Variants in ATRX observed in about 807,000 individuals in gnomAD.
ATRX encodes the protein ATRX chromatin remodeler.
In ATRX, 12 loss-of-function variants were observed where a neutral mutation model predicts 172.6. The ratio of observed to expected loss-of-function variants is 0.07; its 90% CI spans 0.04 to 0.11. The LOEUF (loss-of-function observed/expected upper bound fraction) is 0.11. Ranked by LOEUF, ATRX falls within the 10% of genes least tolerant of loss-of-function variation. ATRX has a pLI of 1.00. For missense variants in ATRX, 1,368 were observed against 1,767.4 expected, an observed-to-expected ratio of 0.77 and a Z score of 4.05; for synonymous variants, 674 against 594.7, an observed-to-expected ratio of 1.13 and a Z score of -1.94.
chrX:77,703,589 G>A (rs1434663362), intron 2 of ATRX, among the ~76,000 whole-genome samples: 2 of 112,380 alleles, frequency 1.8e-5, no homozygotes, highest in African/African-American at 3.2e-5. Flanking sequence ...GAGCTCCCAG[G>A]TCTGGGCTCC....
At chrX:77,691,627 C>T (rs1387474972) in intron 6 of ATRX, among the ~76,000 whole-genome samples, 2 of 111,185 alleles carry the variant, frequency 1.8e-5, no homozygotes, top group Non-Finnish European at 1.9e-5. Flanking sequence ...TAATATTATT[C>T]CAAATCAATA....
intron 10 of ATRX, among the ~76,000 whole-genome samples, chrX:77,671,285 G>C: frequency 1.0e-5 from 1 of 98,953 alleles, no homozygotes; most frequent in Non-Finnish European, 2.0e-5. Flanking sequence ...CTAAACAATG[G>C]TTTGAAATAT....
At chrX:77,736,279 A>G (rs1477514350) in intron 1 of ATRX, among the ~76,000 whole-genome samples, 2 of 111,651 alleles carry the variant, frequency 1.8e-5, no homozygotes, top group Non-Finnish European at 3.8e-5. Context: ...TGAACAAACA[A>G]CCCAAAGAAT....
At chrX:77,596,259 C>A (rs1557083815) in intron 25 of ATRX, 1 of 111,183 alleles carries the variant, frequency 9.0e-6, no homozygotes, top group Admixed American at 9.6e-5. Context: ...GATTATGAGA[C>A]CGATGTGCTG....
chrX:77,752,471 T>C (rs782747321), intron 1 of ATRX, among the ~76,000 whole-genome samples: 23 of 111,653 alleles, frequency 2.1e-4, no homozygotes, highest in Non-Finnish European at 3.2e-4. Flanking sequence ...CCTTTATTTC[T>C]TTCTCTTGCC....
intron 30 of ATRX, among the ~76,000 whole-genome samples, chrX:77,530,325 G>T (rs181525712): frequency 8.9e-5 from 10 of 111,897 alleles, no homozygotes; most frequent in African/African-American, 3.2e-4. Context: ...AAGCTAGAAA[G>T]ACTGGGCACA....
intron 22 of ATRX, among the ~76,000 whole-genome samples, chrX:77,603,139 A>C (rs2066744719): frequency 9.0e-6 from 1 of 111,375 alleles, no homozygotes; most frequent in Non-Finnish European, 1.9e-5. Flanking sequence ...AATCTACAGG[A>C]AATAAATTCC....
At chrX:77,725,071 C>T (rs1272057323) in intron 1 of ATRX, among the ~76,000 whole-genome samples, 1 of 111,988 alleles carries the variant, frequency 8.9e-6, no homozygotes, top group African/African-American at 3.2e-5. Flanking sequence ...AAACTTGAAG[C>T]TGACTCAACC....
intron 15 of ATRX, among the ~76,000 whole-genome samples, chrX:77,637,116 C>T (rs1427119237): frequency 9.0e-6 from 1 of 111,062 alleles, no homozygotes; most frequent in African/African-American, 3.3e-5. Flanking sequence ...AAGAACTGTG[C>T]GACTCAGGAT....
Position 77,669,980 on chromosome X carries a change from G to A in ATRX, c.3810-5202C>T, listed in dbSNP as rs1414845053. Among the ~76,000 whole-genome samples the A allele has an allele frequency of 8.1e-5, 9 of 111,713 alleles. No homozygotes were observed. In the East Asian group the frequency reaches 8.4e-4, roughly 10 times the overall value. On this transcript the variant is annotated intron_variant, in intron 10 of 34. Transcript: ENST00000373344. ...CCCAAAGCATTGGGATTGCAAGTGT[G>A]AGCCACTGCAACCAGCTTGAGTTTT...
intron 22 of ATRX, among the ~76,000 whole-genome samples, chrX:77,610,087 C>T (rs2067091666): frequency 9.0e-6 from 1 of 111,683 alleles, no homozygotes; most frequent in Admixed American, 9.5e-5. Flanking sequence ...ATTAAAATAT[C>T]TCATGTACCC....
intron 1 of ATRX, among the ~76,000 whole-genome samples, chrX:77,750,745 G>C (rs2075270772): frequency 9.2e-6 from 1 of 108,127 alleles, no homozygotes; most frequent in South Asian, 4.0e-4. Context: ...TGTTCTCACT[G>C]TTCGACTCCC....
At chrX:77,539,227 A>C (rs1472100739) in intron 30 of ATRX, among the ~76,000 whole-genome samples, 1 of 111,175 alleles carries the variant, frequency 9.0e-6, no homozygotes, top group Non-Finnish European at 1.9e-5. Flanking sequence ...ATCCTTTACT[A>C]CAAAGGAATA....
At chrX:77,667,604 C>T (rs868925437) in intron 10 of ATRX, among the ~76,000 whole-genome samples, 70 of 111,263 alleles carry the variant, frequency 6.3e-4, no homozygotes, top group African/African-American at 2.1e-3. Context: ...TTTCTTCTTT[C>T]AAATCCCAGT....
At chrX:77,732,106 C>A (rs1229441849) in intron 1 of ATRX, among the ~76,000 whole-genome samples, 1 of 111,784 alleles carries the variant, frequency 8.9e-6, no homozygotes, top group Non-Finnish European at 1.9e-5. Context: ...ACAGACACCA[C>A]CCCCCTCCCC....
chrX:77,577,345 T>C (rs1054952751), intron 27 of ATRX, among the ~76,000 whole-genome samples: 1 of 111,520 alleles, frequency 9.0e-6, no homozygotes, highest in East Asian at 2.8e-4. Flanking sequence ...ACAGTTTTCA[T>C]TTGCATTTCC....
At chrX:77,672,059 C>T in intron 10 of ATRX, among the ~76,000 whole-genome samples, 1 of 110,110 alleles carries the variant, frequency 9.1e-6, no homozygotes, top group Middle Eastern at 4.6e-3. Flanking sequence ...CTGTGCTATA[C>T]AGACAAAGGA....
chrX:77,749,186 G>C (rs1170508377), intron 1 of ATRX, among the ~76,000 whole-genome samples: 1 of 111,290 alleles, frequency 9.0e-6, no homozygotes, highest in East Asian at 2.8e-4. Context: ...GTTCCCACCT[G>C]TAAGTGAGAA....
At chrX:77,571,165 A>G (rs2065398904) in intron 28 of ATRX, among the ~76,000 whole-genome samples, 1 of 112,026 alleles carries the variant, frequency 8.9e-6, no homozygotes, top group African/African-American at 3.2e-5. Flanking sequence ...GTTTCCTAAA[A>G]AAGTACTTAC....
Sources: gnomAD v4.1 joint callset for allele counts (sites outside exome capture counted in the v4.1 genomes callset) on GRCh38, gnomAD v4.1.1 for gene constraint, MANE v1.5 for transcripts, NCBI Gene and HGNC (gene_info 2026-07-23, HGNC 2026-07-21) for gene names.